Variants in COMMD7 observed in about 807,000 individuals in gnomAD.
COMMD7 encodes COMM domain-containing protein 7.
COMMD7 carries 28 observed loss-of-function variants against 34.8 expected under a neutral mutation model. That is an observed-to-expected ratio of 0.80 (90% confidence interval 0.60 to 1.10). COMMD7 has a LOEUF of 1.10. COMMD7 is among the 50% of genes least tolerant of loss of function. COMMD7 has a pLI of 0.00. For synonymous variants in COMMD7, 80 were observed against 86.4 expected (o/e 0.93, Z 0.41); for missense variants, 211 against 241.6 (o/e 0.87, Z 0.84).
intron 5 of COMMD7, among the ~76,000 whole-genome samples, chr20:32,705,438 A>G (rs1984023564): frequency 6.7e-6 from 1 of 148,832 alleles, no homozygotes; most frequent in Non-Finnish European, 1.5e-5. Flanking sequence ...CAGTGGCATG[A>G]TCTTGGCTCG....
chr20:32,711,653 A>T (rs1984452484), intron 3 of COMMD7, among the ~76,000 whole-genome samples: 1 of 152,088 alleles, frequency 6.6e-6, no homozygotes, highest in African/African-American at 2.4e-5. Flanking sequence ...TTACCTCTGG[A>T]GGGCAGAGGC....
intron 3 of COMMD7, among the ~76,000 whole-genome samples, chr20:32,714,958 C>T (rs987408785): frequency 5.3e-5 from 8 of 151,432 alleles, no homozygotes; most frequent in Admixed American, 2.0e-4. Context: ...TGCAGTGAGC[C>T]GAGACTGCAC....
chr20:32,705,703 T>C (rs73251843), intron 5 of COMMD7, among the ~76,000 whole-genome samples: 2,974 of 152,142 alleles, frequency 0.02, 89 homozygotes, highest in African/African-American at 0.068. Flanking sequence ...AAGTAAGTCC[T>C]CTCCTGATCC....
At chr20:32,733,969 G>C (rs1293524136) in intron 1 of COMMD7, among the ~76,000 whole-genome samples, 1 of 151,102 alleles carries the variant, frequency 6.6e-6, no homozygotes, top group Non-Finnish European at 1.5e-5. Flanking sequence ...ATGAGGTCAG[G>C]AGACAGAGAC....
chr20:32,711,999 C>T (rs973634406), intron 3 of COMMD7, among the ~76,000 whole-genome samples: 1 of 105,286 alleles, frequency 9.5e-6, no homozygotes, highest in Non-Finnish European at 2.2e-5. Flanking sequence ...GGGCTGGGCA[C>T]GATGGCTCAT....
At chr20:32,708,097 G>T (rs1249174693) in intron 3 of COMMD7, among the ~76,000 whole-genome samples, 1 of 152,140 alleles carries the variant, frequency 6.6e-6, no homozygotes, top group Admixed American at 6.6e-5. Flanking sequence ...TTCCAGAGGG[G>T]CTGTCAAAAC....
At chr20:32,728,256 T>G (rs1286062556) in intron 1 of COMMD7, 114 bp from the exon 2 acceptor site, 2 of 899,840 alleles carry the variant, frequency 2.2e-6, no homozygotes, top group African/African-American at 1.7e-5. Flanking sequence ...CCAGGTGTTA[T>G]GCCTGTTCTG....
At chr20:32,723,078 CTCTCCCTCTCCCTCTCCCTCTCCG>C (rs1600988734) in intron 3 of COMMD7, among the ~76,000 whole-genome samples, 2 of 40,726 alleles carry the variant, frequency 4.9e-5, no homozygotes, top group East Asian at 3.4e-4. Flanking sequence ...ACTTGTGATC[CTCTCCCTCTCCCTCTCCCTCTCCG>C]TCTCCCTCTC....
In COMMD7 at chr20:32,718,497, G is replaced by A. The variant is rs539060213; in HGVS notation, c.241+9396C>T. 5.3e-5 allele frequency among the ~76,000 whole-genome samples: 8 copies of A among 152,016 alleles called. No individual in the cohort carries two copies. The East Asian group carries it at 1.2e-3, about 22-fold the overall frequency. On this transcript the variant is annotated intron_variant, in intron 3 of 8. Coordinates refer to ENST00000278980, the MANE Select transcript of COMMD7 (RefSeq NM_053041.3). ...GTGGACTGCCTGAGCTCAGGAGTTC[G>A]AGACCAGCCTGGGCAACACAGTGAA...
intron 1 of COMMD7, among the ~76,000 whole-genome samples, chr20:32,732,317 C>T (rs1908466518): frequency 6.6e-6 from 1 of 152,096 alleles, no homozygotes; most frequent in Admixed American, 6.6e-5. Flanking sequence ...TCTGGAACTC[C>T]TGGGCTCAAG....
chr20:32,705,493 C>A (rs1404084118), intron 5 of COMMD7, among the ~76,000 whole-genome samples: 1 of 151,788 alleles, frequency 6.6e-6, no homozygotes, highest in Admixed American at 6.6e-5. Flanking sequence ...CCTGCCTCAG[C>A]CTCCCAAGTA....
rs1168286595 is a variant in COMMD7, at chr20:32,704,062, C to T, written c.487G>A (p.Val163Met). The T allele has an allele frequency of 4.4e-6, 7 of 1,597,634 alleles. No homozygotes were observed. Among genetic ancestry groups the T allele is most frequent in the South Asian group, 1.1e-5 (1 of 88,276 alleles). ...TCGGTTTGATTTCCTTTCTTAACCA[C>T]CAACTTTAGCTGATGAAAGAAAAAG... ...VGSIFLQLKL[V>M]VKKGNQTENV... The change falls in exon 8 of 9, where the codon GTG becomes ATG. Residue 163 changes from valine to methionine, a missense_variant. Val to Met is a conservative substitution (Grantham distance 21). Transcript: ENST00000278980.
chr20:32,714,991 C>T lies in COMMD7; in HGVS notation c.242-8231G>A, dbSNP rs151333448. Among the ~76,000 whole-genome samples the T allele has an allele frequency of 8.8e-3, 1,339 of 151,686 alleles. 14 individuals are homozygous for T. Among genetic ancestry groups the T allele is most frequent in the African/African-American group, 0.031 (1,263 of 41,314 alleles). On this transcript the variant is annotated intron_variant, in intron 3 of 8. Transcript: ENST00000278980. ...CACCACTGCACTCCAGCCTGGGCAA[C>T]GGAGTGGGACTCTGTCTCAAAAAAA... is the stretch of plus-strand genomic sequence containing the variant.
Position 32,705,373 on chromosome 20 carries a change from TATA to T in COMMD7, c.337-472_337-470del, listed in dbSNP as rs201638223. 2.2e-3 allele frequency among the ~76,000 whole-genome samples: 242 copies of T among 111,288 alleles called. 4 individuals are homozygous for T. Among genetic ancestry groups the T allele is most frequent in the African/African-American group, 7.3e-3 (222 of 30,562 alleles). 73.0% of individuals were successfully genotyped at this position (111,288 alleles called of 152,430 possible). On this transcript the variant is annotated intron_variant, in intron 5 of 8. Transcript: ENST00000278980. ...ATGTGTGTGTGTATATATATATATA[TATA>T]TTTTTTTTTTTCTTTGAGATGGAGT...
Position 32,703,493 on chromosome 20 carries a change from TCCAACTC to T in COMMD7, c.527-42_527-36del, listed in dbSNP as rs1242739787. On this transcript the variant is annotated intron_variant, in intron 8 of 8. Coordinates refer to ENST00000278980, the MANE Select transcript of COMMD7 (RefSeq NM_053041.3). ...GAAAATTCAGCTTCAGATAAATGTTTCCAACTCCACAGAATCATCCAAGAAAATTAAT... is the reference window on the plus strand; with the variant it reads ...GAAAATTCAGCTTCAGATAAATGTTTCACAGAATCATCCAAGAAAATTAAT... The T allele has an allele frequency of 1.9e-6, 3 of 1,601,460 alleles. No homozygotes were observed. The African/African-American group carries it at 4.0e-5, about 22-fold the overall frequency.
At chr20:32,709,338 G>A (rs923983477) in intron 3 of COMMD7, among the ~76,000 whole-genome samples, 3 of 151,964 alleles carry the variant, frequency 2.0e-5, no homozygotes, top group Non-Finnish European at 4.4e-5. Context: ...GGGAGGCTGA[G>A]GGTGCAGTGA....
rs759553658 is a variant in COMMD7, at chr20:32,743,300, G to C, written c.84+8C>G. 274 of 1,262,044 alleles carry C rather than the reference G, an allele frequency of 2.2e-4. 1 individual carries two copies. The African/African-American group carries it at 4.5e-3, about 21-fold the overall frequency. 78.2% of individuals were successfully genotyped at this position (1,262,044 alleles called of 1,614,324 possible). A position where few individuals can be genotyped will look rare whatever the true frequency, so the allele number is the denominator to read the frequency against. On this transcript the variant is annotated splice_region_variant and intron_variant, in intron 1 of 8. Coordinates refer to ENST00000278980, the MANE Select transcript of COMMD7 (RefSeq NM_053041.3). ...GCCCCGCGCCCCACGCCCCGCCGCC[G>C]GGCCCACCTGCGCGCCCAGCTGGTT...
At chr20:32,729,238 G>T (rs1190530085) in intron 1 of COMMD7, among the ~76,000 whole-genome samples, 2 of 148,192 alleles carry the variant, frequency 1.3e-5, no homozygotes, top group African/African-American at 4.9e-5. Flanking sequence ...GTGTGATGTT[G>T]GCTCACTGCA....
chr20:32,708,513 A>AT (rs1393929792), intron 3 of COMMD7, among the ~76,000 whole-genome samples: 1 of 152,228 alleles, frequency 6.6e-6, no homozygotes, highest in Non-Finnish European at 1.5e-5. Flanking sequence ...AACCTTAGCC[A>AT]TAAAGGCCCT....
Sources: allele counts gnomAD v4.1 joint callset (sites outside exome capture counted in the v4.1 genomes callset), GRCh38; gene constraint gnomAD v4.1.1; transcripts MANE v1.5; gene names NCBI Gene and HGNC (gene_info 2026-07-23, HGNC 2026-07-21).